The following WDR4 variants were observed in gnomAD, a reference collection of about 807,000 sequenced individuals.
The protein encoded by WDR4 is WDR4 tRNA N7-guanosine methyltransferase non-catalytic subunit.
WDR4 carries 47 observed loss-of-function variants against 48.6 expected under a neutral mutation model. The ratio of observed to expected loss-of-function variants is 0.97; its 90% CI spans 0.77 to 1.23. The LOEUF (loss-of-function observed/expected upper bound fraction) is 1.23. Ranked by LOEUF, WDR4 falls within the 50% of genes most tolerant of loss-of-function variation. WDR4 has a pLI of 0.00. For synonymous variants in WDR4, 268 were observed against 230.0 expected (o/e 1.17, Z -1.49); for missense variants, 606 against 551.6 (o/e 1.10, Z -0.99).
chr21:42,847,871 C>T (rs150872944), downstream of WDR4, among the ~76,000 whole-genome samples: 1 of 152,312 alleles, frequency 6.6e-6, no homozygotes, highest in East Asian at 1.9e-4. Flanking sequence ...CCAACCTGAA[C>T]CTCTCCTAAA....
In WDR4 at chr21:42,873,631, A is replaced by G; in HGVS notation, c.216T>C (p.Ser72=). Reference sequence around the variant, plus strand: ...CATCGGTTAAAGCAAAATAGCTGCCAGACTTGGAGAAGGTGGACGCCAGAA... The same window carrying G: ...CATCGGTTAAAGCAAAATAGCTGCCGGACTTGGAGAAGGTGGACGCCAGAA... ...GAILASTFSK[S]GSYFALTDDS... The change falls in exon 3 of 11, where the codon TCT becomes TCC. Residue 72 remains serine (S), a synonymous_variant. Coordinates refer to ENST00000398208, the MANE Select transcript of WDR4 (RefSeq NM_018669.6). The G allele has an allele frequency of 6.2e-7, 1 of 1,614,208 alleles. No homozygotes were observed. The highest frequency in any genetic ancestry group is 1.7e-5 in the Admixed American group (1 of 60,020).
At chr21:42,884,066 T>G (rs967116597), upstream of WDR4, among the ~76,000 whole-genome samples, 4 of 152,216 alleles carry the variant, frequency 2.6e-5, no homozygotes, top group African/African-American at 4.8e-5. Flanking sequence ...ATATTAGGTT[T>G]CCAAGGTTCA....
chr21:42,879,400 C>T lies in WDR4; in HGVS notation c.89+7G>A. 2 of 1,613,576 alleles carry T rather than the reference C, an allele frequency of 1.2e-6. No homozygotes were observed. Among genetic ancestry groups the T allele is most frequent in the Non-Finnish European group, 1.7e-6 (2 of 1,179,774 alleles). ...GTCTCCCTGTTCCAAGACCAAGGCC[C>T]CCTCACCTGCTTGCTATGGAGGTGG... On this transcript the variant is annotated splice_region_variant and intron_variant, in intron 1 of 10. Coordinates refer to ENST00000398208, the MANE Select transcript of WDR4 (RefSeq NM_018669.6).
chr21:42,853,781 C>A (rs1472566311), intron 8 of WDR4, 29 bp from the exon 9 acceptor site: 1 of 1,538,158 alleles, frequency 6.5e-7, no homozygotes, highest in Admixed American at 2.0e-5. Flanking sequence ...AGCATGATTA[C>A]TAGGACTGCA....
chr21:42,853,870 G>A, intron 8 of WDR4, 118 bp from the exon 9 acceptor site: 1 of 1,135,786 alleles, frequency 8.8e-7, no homozygotes, highest in East Asian at 2.6e-5. Context: ...AGCCTACGCT[G>A]AAAGCCCCAG....
At chr21:42,861,196 C>T (rs1460828027) in intron 5 of WDR4, among the ~76,000 whole-genome samples, 1 of 151,874 alleles carries the variant, frequency 6.6e-6, no homozygotes, top group African/African-American at 2.4e-5. Flanking sequence ...GGCCTGTAGT[C>T]CCAGCTACTT....
chr21:42,876,630 T>C (rs73233310), intron 2 of WDR4, 72 bp downstream of exon 2: 59,170 of 1,424,446 alleles, frequency 0.042, 1,720 homozygotes, highest in East Asian at 0.12. Context: ...GGACAACAAT[T>C]GCTTCTTAGA....
chr21:42,873,883 T>G (rs967449533), intron 2 of WDR4, among the ~76,000 whole-genome samples, 192 bp from the exon 3 acceptor site: 4 of 152,108 alleles, frequency 2.6e-5, no homozygotes, highest in African/African-American at 9.7e-5. Flanking sequence ...GCATGAAGCC[T>G]AACTAAACAG....
the WDR4 span, among the ~76,000 whole-genome samples, chr21:42,891,522 C>G: frequency 3.2e-4 from 48 of 152,160 alleles, no homozygotes; most frequent in East Asian, 9.1e-3. Context: ...GCTCCAGGTC[C>G]ATGAAGGAGG....
In WDR4 at chr21:42,861,271, G is replaced by A. The variant is rs548676264; in HGVS notation, c.566+1011C>T. Among the ~76,000 whole-genome samples, 44 of 132,736 alleles carry A rather than the reference G, an allele frequency of 3.3e-4. No individual in the cohort carries two copies. The East Asian group carries it at 9.7e-3, about 29-fold the overall frequency. 87.1% of individuals were successfully genotyped at this position (132,736 alleles called of 152,430 possible). ...AGAGGTTGCAGTGAGCCAAGATCAC[G>A]CCACTGCACTCCAGCCTGGGCGACA... On this transcript the variant is annotated intron_variant, in intron 5 of 10. Transcript: ENST00000398208.
intron 3 of WDR4, among the ~76,000 whole-genome samples, chr21:42,869,843 C>G (rs1601164979): frequency 6.6e-6 from 1 of 151,892 alleles, no homozygotes; most frequent in Non-Finnish European, 1.5e-5. Flanking sequence ...AACCCCATCT[C>G]TACTAAAAAA....
rs1378726559 is a variant in WDR4, at chr21:42,862,725, G to A, written c.454-331C>T. On this transcript the variant is annotated intron_variant, in intron 4 of 10. Coordinates refer to ENST00000398208, the MANE Select transcript of WDR4 (RefSeq NM_018669.6). This position sits in a 1 kb window ranked among gnomAD's most constrained non-coding sequence, Gnocchi z 4.3. Reference sequence around the variant, plus strand: ...GCCCATTTCCACCCGCCACAGGCCTGCTGCACCCTCCTGCCCAACACTGGG... The same window carrying A: ...GCCCATTTCCACCCGCCACAGGCCTACTGCACCCTCCTGCCCAACACTGGG... Among the ~76,000 whole-genome samples the A allele has an allele frequency of 6.7e-6, 1 of 148,946 alleles. No homozygotes were observed. The highest frequency in any genetic ancestry group is 1.5e-5 in the Non-Finnish European group (1 of 67,444).
chr21:42,867,128 C>T (rs969797965), intron 3 of WDR4, among the ~76,000 whole-genome samples: 10 of 152,224 alleles, frequency 6.6e-5, no homozygotes, highest in Admixed American at 1.3e-4. Flanking sequence ...CAGTGGCTCA[C>T]GCCTCTAATC....
Position 42,853,751 on chromosome 21 carries a change from T to C in WDR4, c.793A>G (p.Thr265Ala), listed in dbSNP as rs1569315579. 1.3e-6 allele frequency: 2 copies of C among 1,551,370 alleles called. No individual in the cohort carries two copies. The highest frequency in any genetic ancestry group is 4.8e-5 in the East Asian group (2 of 41,580). ...ENCVALLCDG[T>A]PVVYIFQLDA... The stretch of plus-strand genomic sequence containing the variant: ...AGCTGGAAGATGTAGACCACAGGAG[T>C]GCTTGCCACGAAGAAAGAGAGCATG... The change falls in exon 9 of 11, where the codon ACT (threonine) becomes GCT (alanine). Residue 265 changes from threonine to alanine, a missense_variant and splice_region_variant. By Grantham distance (58) the Thr-to-Ala change is moderately conservative. Transcript: ENST00000398208.
chr21:42,851,562 T>C (rs2057827956), intron 10 of WDR4, among the ~76,000 whole-genome samples: 1 of 152,226 alleles, frequency 6.6e-6, no homozygotes, highest in Non-Finnish European at 1.5e-5. Context: ...CTGGATTCCA[T>C]GCTGGGCTAA....
intron 9 of WDR4, 33 bp downstream of exon 9, chr21:42,853,536 G>A: frequency 6.3e-7 from 1 of 1,591,124 alleles, no homozygotes; most frequent in East Asian, 2.3e-5. Flanking sequence ...GGAAAGGCAG[G>A]GCATAGGACA....
rs1316050688 is a variant in WDR4 at position 42,862,088 on chromosome 21, C to T, written c.566+194G>A. Among the ~76,000 whole-genome samples, 1 of 152,198 alleles carries T rather than the reference C, an allele frequency of 6.6e-6. No homozygotes were observed. The highest frequency in any genetic ancestry group is 1.5e-5 in the Non-Finnish European group (1 of 68,036). ...TACTGGCACAGACTCCGGGTAACAGCGCAGAGTGAACCCCACCCTTTCAGG... is the reference window on the plus strand; with the variant it reads ...TACTGGCACAGACTCCGGGTAACAGTGCAGAGTGAACCCCACCCTTTCAGG... On this transcript the variant is annotated intron_variant, in intron 5 of 10. Coordinates refer to ENST00000398208, the MANE Select transcript of WDR4 (RefSeq NM_018669.6). The surrounding 1 kb of genome is among the most constrained non-coding windows in gnomAD (Gnocchi z 4.3).
intron 4 of WDR4, 133 bp downstream of exon 4, chr21:42,863,307 G>T: frequency 8.9e-7 from 1 of 1,119,662 alleles, no homozygotes; most frequent in Non-Finnish European, 1.3e-6. Flanking sequence ...CACGTACTGC[G>T]TCTAACAGCA....
intron 3 of WDR4, among the ~76,000 whole-genome samples, chr21:42,870,945 G>C (rs1348810192): frequency 1.3e-5 from 2 of 152,208 alleles, no homozygotes; most frequent in African/African-American, 4.8e-5. Flanking sequence ...GTGCTTAACT[G>C]AATCCTCCAA....
Sources: gnomAD v4.1 joint callset for allele counts (sites outside exome capture counted in the v4.1 genomes callset) on GRCh38, gnomAD v4.1.1 for gene constraint, Gnocchi (gnomAD v3.1) non-coding constraint, MANE v1.5 for transcripts, NCBI Gene and HGNC (gene_info 2026-07-23, HGNC 2026-07-21) for gene names.